NECAB2: variants seen among roughly 807,000 people sequenced by gnomAD.
The protein encoded by NECAB2 is N-terminal EF-hand calcium binding protein 2.
NECAB2 carries 68 observed loss-of-function variants against 51.9 expected under a neutral mutation model. That is an observed-to-expected ratio of 1.31 (90% confidence interval 1.08 to 1.60). The LOEUF (loss-of-function observed/expected upper bound fraction) is 1.60, where lower values mean the gene tolerates loss of function less well. Ranked by LOEUF, NECAB2 falls within the 40% of genes most tolerant of loss-of-function variation. The probability of loss-of-function intolerance (pLI) is 0.00; values close to 1 mark genes in which losing one functional copy is unlikely to be tolerated. For missense variants in NECAB2, 854 were observed against 490.3 expected, an observed-to-expected ratio of 1.74 and a Z score of -7.00; for synonymous variants, 329 against 203.5, an observed-to-expected ratio of 1.62 and a Z score of -5.25.
At chr16:83,980,005 C>A (rs918711606) in intron 3 of NECAB2, among the ~76,000 whole-genome samples, 3 of 152,180 alleles carry the variant, frequency 2.0e-5, no homozygotes, top group African/African-American at 7.2e-5. Context: ...GTTGGAGGCA[C>A]CTCCTGACAG....
chr16:83,975,590 G>C (rs1039978821), intron 2 of NECAB2, among the ~76,000 whole-genome samples: 3 of 152,134 alleles, frequency 2.0e-5, no homozygotes, highest in Non-Finnish European at 4.4e-5. Flanking sequence ...TGGCTCCTGT[G>C]ACAGAGACTT....
chr16:83,987,940 T>C (rs1390621390), intron 5 of NECAB2, among the ~76,000 whole-genome samples: 1 of 152,260 alleles, frequency 6.6e-6, no homozygotes, highest in Non-Finnish European at 1.5e-5. Flanking sequence ...GATTTAATAA[T>C]GGCACGTCTT....
chr16:84,000,827 G>A (rs1162461685), intron 11 of NECAB2, 26 bp downstream of exon 11: 1 of 1,602,708 alleles, frequency 6.2e-7, no homozygotes, highest in Non-Finnish European at 8.5e-7. Context: ...CCCACAGCAG[G>A]TGAGGGAGAC....
chr16:84,001,017 T>TA (rs1567681561), intron 11 of NECAB2, among the ~76,000 whole-genome samples: 1 of 151,852 alleles, frequency 6.6e-6, no homozygotes, highest in Non-Finnish European at 1.5e-5. Context: ...CAGCTGGGCT[T>TA]TCCTGCTTTC....
intron 5 of NECAB2, among the ~76,000 whole-genome samples, chr16:83,986,178 G>T (rs747763352): frequency 4.6e-5 from 7 of 151,996 alleles, no homozygotes; most frequent in African/African-American, 1.5e-4. Flanking sequence ...CACCACGCCC[G>T]GCTAATTTTT....
At chr16:83,974,707 C>A (rs769800568) in intron 2 of NECAB2, among the ~76,000 whole-genome samples, 19 of 152,136 alleles carry the variant, frequency 1.2e-4, no homozygotes, top group Admixed American at 2.0e-4. Context: ...GGTTCTGATT[C>A]AACACAGCAG....
upstream of NECAB2, among the ~76,000 whole-genome samples, chr16:83,968,160 C>T (rs373646869): frequency 5.9e-5 from 9 of 151,326 alleles, 1 homozygote; most frequent in East Asian, 9.9e-4. Context: ...GCGGGCGTGA[C>T]GGGGCCGCGG....
At chr16:83,991,548 G>T (rs1436040388) in intron 6 of NECAB2, among the ~76,000 whole-genome samples, 1 of 150,828 alleles carries the variant, frequency 6.6e-6, no homozygotes, top group Non-Finnish European at 1.5e-5. Context: ...TGTATTTTTA[G>T]TAGAGATGGG....
At chr16:83,988,125 G>T (rs900195933) in intron 5 of NECAB2, among the ~76,000 whole-genome samples, 1 of 152,162 alleles carries the variant, frequency 6.6e-6, no homozygotes, top group African/African-American at 2.4e-5. Flanking sequence ...TGGTTTAGGT[G>T]CGCTTCTGAT....
intron 8 of NECAB2, among the ~76,000 whole-genome samples, chr16:83,996,096 C>T (rs950944963): frequency 2.0e-5 from 3 of 152,238 alleles, no homozygotes; most frequent in Admixed American, 6.5e-5. Context: ...CGCCCTTCAC[C>T]GGCCAACCGG....
chr16:83,986,747 T>G (rs1369060988), intron 5 of NECAB2, among the ~76,000 whole-genome samples: 1 of 151,312 alleles, frequency 6.6e-6, no homozygotes, highest in Non-Finnish European at 1.5e-5. Context: ...CTCAAACTCC[T>G]GGGCTGAAGC....
upstream of NECAB2, chr16:83,965,943 T>C (rs62640905): frequency 0.023 from 36,845 of 1,611,714 alleles, 514 homozygotes; most frequent in Non-Finnish European, 0.027. Flanking sequence ...GTGAGGTTTG[T>C]GCAGGGGGGC....
chr16:83,966,204 G>A (rs1225594122), upstream of NECAB2: 7 of 582,392 alleles, frequency 1.2e-5, no homozygotes, highest in East Asian at 2.9e-5. Flanking sequence ...GCGGCCGCAG[G>A]CCAGGGTTGG....
At position 83,978,574 on chromosome 16, in the gene NECAB2, C is replaced by G. The variant is rs749438222; in HGVS notation, c.335+22C>G. The G allele has an allele frequency of 6.9e-6, 11 of 1,588,372 alleles. No individual in the cohort carries two copies. The South Asian group carries it at 1.1e-4, about 16-fold the overall frequency. ...CCAAGTGAGCTTCAGTCCTGGCTGG[C>G]AGAGTGGGGGTGTGTGTGGGCTGTG... On this transcript the variant is annotated intron_variant, in intron 3 of 12. Transcript: ENST00000305202.
chr16:83,965,295 A>T (rs371530657), upstream of NECAB2: 5 of 1,600,280 alleles, frequency 3.1e-6, no homozygotes, highest in Middle Eastern at 1.7e-4. Context: ...TGGGCCCGCA[A>T]CGTGGTCCTC....
chr16:83,977,643 C>A (rs1369093169), intron 2 of NECAB2, among the ~76,000 whole-genome samples: 6 of 152,110 alleles, frequency 3.9e-5, no homozygotes, highest in African/African-American at 1.4e-4. Flanking sequence ...CAGCCTCTGG[C>A]CAGAGCGTTG....
At chr16:83,997,017 C>G (rs1036448851) in intron 8 of NECAB2, among the ~76,000 whole-genome samples, 199 bp from the exon 9 acceptor site, 6 of 150,484 alleles carry the variant, frequency 4.0e-5, no homozygotes, top group African/African-American at 1.3e-4. Context: ...CCCAAGCCAT[C>G]CTCACCCCAG....
rs1382023188 is a variant in NECAB2, at chr16:84,002,354, C to T, written c.*8C>T. 1.2e-6 allele frequency: 2 copies of T among 1,613,900 alleles called. No individual in the cohort carries two copies. Among genetic ancestry groups the T allele is most frequent in the Non-Finnish European group, 1.7e-6 (2 of 1,179,870 alleles). On this transcript the variant is annotated 3_prime_UTR_variant, in exon 13 of 13. Coordinates refer to ENST00000305202, the MANE Select transcript of NECAB2 (RefSeq NM_019065.3). ...ACGGTGGGACGGGACTGACAGCCTC[C>T]CAGAGGCCCGTGGAGGAGCCCACCA...
Position 84,001,672 on chromosome 16 carries a change from CCCCCTCACCTT to C in NECAB2, c.1041-149_1041-139del, listed in dbSNP as rs1424418115. On this transcript the variant is annotated intron_variant, in intron 11 of 12. Coordinates refer to ENST00000305202, the MANE Select transcript of NECAB2 (RefSeq NM_019065.3). ...ACCCCAGAGTCAGCCTCCCTGGGCACCCCCTCACCTTCCCACAAAGGCTCTGAGTCCAAAGA... is the reference window on the plus strand; with the variant it reads ...ACCCCAGAGTCAGCCTCCCTGGGCACCCCACAAAGGCTCTGAGTCCAAAGA... 2.0e-3 allele frequency among the ~76,000 whole-genome samples: 208 copies of C among 104,824 alleles called. 1 individual carries two copies. The highest frequency in any genetic ancestry group is 0.019 in the African/African-American group (204 of 10,884). The allele number at this position is 104,824 out of a possible 152,430, so 68.8% of individuals were successfully genotyped here.
Sources: allele counts gnomAD v4.1 joint callset (sites outside exome capture counted in the v4.1 genomes callset), GRCh38; gene constraint gnomAD v4.1.1; transcripts MANE v1.5; gene names NCBI Gene and HGNC (gene_info 2026-07-23, HGNC 2026-07-21).